The following AKAP13 variants were observed in gnomAD, a reference collection of about 807,000 sequenced individuals.
AKAP13 encodes the protein A-kinase anchor protein 13.
AKAP13 carries 80 observed loss-of-function variants against 264.5 expected under a neutral mutation model. That is an observed-to-expected ratio of 0.30 (90% CI 0.25 to 0.36). AKAP13 has a LOEUF of 0.36. AKAP13 is among the 10% of genes least tolerant of loss of function. AKAP13 has a pLI of 1.00. For missense variants in AKAP13, 3,712 were observed against 3,435.2 expected (o/e 1.08, Z -2.01); for synonymous variants, 1,380 against 1,250.2 (o/e 1.10, Z -2.19).
chr15:85,686,147 G>GTGTGTGTGTGTGTGTGTGTGTA (rs2084900669), intron 16 of AKAP13, among the ~76,000 whole-genome samples: 1 of 108,360 alleles, frequency 9.2e-6, no homozygotes, highest in Non-Finnish European at 2.0e-5. Context: ...AGGAATCACT[G>GTGTGTGTGTGTGTGTGTGTGTA]TGTGTGTGTG....
intron 3 of AKAP13, among the ~76,000 whole-genome samples, chr15:85,527,822 A>C (rs1443337916): frequency 6.6e-6 from 1 of 152,202 alleles, no homozygotes; most frequent in Non-Finnish European, 1.5e-5. Flanking sequence ...CTTTAACCCT[A>C]TCATAGACAC....
intron 8 of AKAP13, among the ~76,000 whole-genome samples, chr15:85,632,981 T>C (rs1418996714): frequency 1.3e-5 from 2 of 151,518 alleles, no homozygotes; most frequent in African/African-American, 4.9e-5. Flanking sequence ...TTCTCCTGTC[T>C]CAGCCTCCCA....
At chr15:85,665,247 A>G (rs2083526180) in intron 13 of AKAP13, among the ~76,000 whole-genome samples, 1 of 152,202 alleles carries the variant, frequency 6.6e-6, no homozygotes, top group Non-Finnish European at 1.5e-5. Flanking sequence ...ATCTGCATAG[A>G]TTTAAATATT....
intron 2 of AKAP13, among the ~76,000 whole-genome samples, chr15:85,500,824 C>G (rs1044304387): frequency 6.6e-6 from 1 of 152,126 alleles, no homozygotes; most frequent in African/African-American, 2.4e-5. Context: ...GCTATTGGCT[C>G]TGGTGTCTTT....
In AKAP13 at chr15:85,580,941, A is replaced by G. The variant is rs780743852; in HGVS notation, c.2873A>G (p.Gln958Arg). ...QEEQRTPPPG[Q>R]DTQQFHEKSI... ...GAGCAGAGAACACCACCTCCTGGAC[A>G]AGATACTCAACAATTTCATGAAAAA... Residue 958 changes from glutamine (Q) to arginine (R), a missense_variant, in exon 7 of 37, where the codon CAA (glutamine) becomes CGA (arginine). Gln to Arg is a conservative substitution (Grantham distance 43). Transcript: ENST00000394518. The G allele has an allele frequency of 3.1e-6, 5 of 1,614,056 alleles. No homozygotes were observed. Among genetic ancestry groups the G allele is most frequent in the Middle Eastern group, 1.6e-4 (1 of 6,082 alleles).
At chr15:85,734,882 C>G in intron 30 of AKAP13, 110 bp from the exon 31 acceptor site, 1 of 1,420,360 alleles carries the variant, frequency 7.0e-7, no homozygotes, top group Middle Eastern at 2.4e-4. Flanking sequence ...CACCCAGTCA[C>G]TCTTTGGAAC....
chr15:85,416,223 G>A (rs137936424), intron 1 of AKAP13, among the ~76,000 whole-genome samples: 12 of 152,288 alleles, frequency 7.9e-5, no homozygotes, highest in Non-Finnish European at 1.2e-4. Context: ...TCTATTCATT[G>A]TGCAGTTTAT....
At chr15:85,459,984 C>T (rs1179011224) in intron 1 of AKAP13, among the ~76,000 whole-genome samples, 2 of 152,180 alleles carry the variant, frequency 1.3e-5, no homozygotes, top group African/African-American at 4.8e-5. Flanking sequence ...TTTAGGTTCA[C>T]TAGTTTTTAT....
intron 18 of AKAP13, among the ~76,000 whole-genome samples, chr15:85,710,249 G>A (rs2086565964): frequency 6.6e-6 from 1 of 152,168 alleles, no homozygotes; most frequent in Non-Finnish European, 1.5e-5. Flanking sequence ...TGAGAAAGGT[G>A]CCAGTCACTG....
chr15:85,686,191 A>ATGTG (rs55994240), intron 16 of AKAP13, among the ~76,000 whole-genome samples: 60,329 of 151,300 alleles, frequency 0.4, 12,819 homozygotes, highest in African/African-American at 0.55. Flanking sequence ...ACGTGCATGC[A>ATGTG]TGTGTGTGTG....
chr15:85,410,815 T>C (rs533536596), intron 1 of AKAP13, among the ~76,000 whole-genome samples: 1 of 151,822 alleles, frequency 6.6e-6, no homozygotes, highest in African/African-American at 2.4e-5. Flanking sequence ...TCAGAATGAT[T>C]ATGGCATTTA....
intron 19 of AKAP13, among the ~76,000 whole-genome samples, chr15:85,711,613 C>T (rs1447743284): frequency 2.0e-5 from 3 of 152,202 alleles, no homozygotes; most frequent in Middle Eastern, 3.4e-3. Flanking sequence ...ATTTAAAGTT[C>T]CCCTAGAGAC....
intron 6 of AKAP13, 94 bp downstream of exon 6, chr15:85,575,423 T>G (rs1220211467): frequency 3.2e-5 from 41 of 1,272,760 alleles, no homozygotes; most frequent in African/African-American, 5.9e-5. Flanking sequence ...AACCTTGATA[T>G]AATTAGAACA....
chr15:85,406,795 A>G (rs1290308827), intron 1 of AKAP13, among the ~76,000 whole-genome samples: 1 of 151,788 alleles, frequency 6.6e-6, no homozygotes, highest in South Asian at 2.1e-4. Flanking sequence ...TTAGGAGAAC[A>G]TAGACACTTT....
intron 13 of AKAP13, among the ~76,000 whole-genome samples, chr15:85,669,445 T>C (rs187554939): frequency 1.1e-4 from 16 of 152,330 alleles, no homozygotes; most frequent in African/African-American, 3.1e-4. Flanking sequence ...CTATGAGGGA[T>C]ACAGAACCAC....
chr15:85,639,136 G>T (rs571086921), intron 8 of AKAP13, among the ~76,000 whole-genome samples: 48 of 152,072 alleles, frequency 3.2e-4, no homozygotes, highest in South Asian at 1.0e-3. Flanking sequence ...TCATCTTCGT[G>T]TATCTTTTCT....
intron 8 of AKAP13, among the ~76,000 whole-genome samples, chr15:85,615,540 G>A (rs1398309897): frequency 6.6e-6 from 1 of 152,176 alleles, no homozygotes; most frequent in Non-Finnish European, 1.5e-5. Context: ...CTCAAGTGGA[G>A]GCTAAATGTT....
At position 85,579,846 on chromosome 15, in the gene AKAP13, C is replaced by G. The variant is rs113831353; in HGVS notation, c.1778C>G (p.Ala593Gly). 795 of 1,614,158 alleles carry G rather than the reference C, an allele frequency of 4.9e-4. 2 individuals carry two copies. The African/African-American group carries it at 9.3e-3, about 19-fold the overall frequency. ...DQNSVVIPAA[A>G]KDKISDGLEP... ...AATTCTGTGGTGATTCCAGCTGCTG[C>G]AAAAGACAAGATTTCAGATGGATTA... The change falls in exon 7 of 37, where the codon GCA (alanine) becomes GGA (glycine). Residue 593 changes from alanine (A) to glycine (G), a missense_variant. Around this residue, in one of 3 missense-constraint regions of AKAP13, gnomAD observed 2,759 missense variants for 2,411.7 expected, o/e 1.14. Coordinates refer to ENST00000394518, the MANE Select transcript of AKAP13 (RefSeq NM_007200.5).
chr15:85,532,500 C>T (rs1333317532), intron 3 of AKAP13, among the ~76,000 whole-genome samples: 1 of 152,144 alleles, frequency 6.6e-6, no homozygotes, highest in Non-Finnish European at 1.5e-5. Flanking sequence ...ATTAATCAGG[C>T]AGAGCACAAA....
Sources: gnomAD v4.1 joint callset for allele counts (sites outside exome capture counted in the v4.1 genomes callset) on GRCh38, gnomAD v4.1.1 for gene constraint, gnomAD v4.1.1 regional missense constraint, MANE v1.5 for transcripts, NCBI Gene and HGNC (gene_info 2026-07-23, HGNC 2026-07-21) for gene names.